Variants in CENPP observed in about 807,000 individuals in gnomAD.
CENPP encodes centromere protein P.
In CENPP, 24 loss-of-function variants were observed where a neutral mutation model predicts 35.6. The observed-to-expected ratio is 0.67, with a 90% CI of 0.49 to 0.95. The LOEUF (loss-of-function observed/expected upper bound fraction) is 0.95, where lower values mean the gene tolerates loss of function less well. CENPP is among the 40% of genes least tolerant of loss of function. CENPP has a pLI of 0.00. For missense variants in CENPP, 332 were observed against 345.3 expected (o/e 0.96, Z 0.31); for synonymous variants, 120 against 125.5 (o/e 0.96, Z 0.29).
chr9:92,523,308 G>T (rs1245262147), intron 5 of CENPP, among the ~76,000 whole-genome samples: 1 of 152,052 alleles, frequency 6.6e-6, no homozygotes, highest in Non-Finnish European at 1.5e-5. Flanking sequence ...TCTATAAAGG[G>T]CCAGATAGTA....
intron 5 of CENPP, chr9:92,510,165 C>A: frequency 2.2e-6 from 2 of 920,898 alleles, no homozygotes; most frequent in Non-Finnish European, 3.1e-6. Context: ...GTCCAGGCCA[C>A]ACAGCAAACC....
At chr9:92,452,419 T>C (rs1844739366) in intron 5 of CENPP, among the ~76,000 whole-genome samples, 1 of 152,230 alleles carries the variant, frequency 6.6e-6, no homozygotes, top group South Asian at 2.1e-4. Context: ...TTGTGTATAT[T>C]GAACCAGCCT....
chr9:92,370,084 T>C (rs187330879), intron 4 of CENPP, among the ~76,000 whole-genome samples: 503 of 152,358 alleles, frequency 3.3e-3, no homozygotes, highest in Non-Finnish European at 6.1e-3. Context: ...TATGTTTTTT[T>C]CCCTATATCT....
At position 92,572,951 on chromosome 9, in the gene CENPP, A is replaced by T. The variant is rs528852614; in HGVS notation, c.565-38363A>T. On this transcript the variant is annotated intron_variant, in intron 5 of 7. Transcript: ENST00000375587. ...GGTTTTCAGCTCCATCAGGTCATTT[A>T]AGGTCTTCTCTATGCTGTTTATTCT... Among the ~76,000 whole-genome samples the T allele has an allele frequency of 3.5e-3, 525 of 152,132 alleles. 7 individuals carry two copies. The highest frequency in any genetic ancestry group is 0.012 in the African/African-American group (496 of 41,494).
intron 5 of CENPP, among the ~76,000 whole-genome samples, chr9:92,391,680 C>T (rs957786212): frequency 1.3e-5 from 2 of 152,022 alleles, no homozygotes; most frequent in African/African-American, 4.8e-5. Flanking sequence ...AAAAACATGT[C>T]GTTAAATAGA....
At chr9:92,344,933 C>G (rs1841241204) in intron 3 of CENPP, among the ~76,000 whole-genome samples, 1 of 148,854 alleles carries the variant, frequency 6.7e-6, no homozygotes, top group Admixed American at 6.7e-5. Flanking sequence ...CTTCAGGAGG[C>G]AGAGACGGGG....
intron 5 of CENPP, among the ~76,000 whole-genome samples, chr9:92,463,618 C>T (rs890542905): frequency 6.6e-6 from 1 of 152,218 alleles, no homozygotes; most frequent in African/African-American, 2.4e-5. Flanking sequence ...TCTCCTCCCT[C>T]TACCTTCCTC....
intron 5 of CENPP, among the ~76,000 whole-genome samples, chr9:92,428,228 A>T (rs1198671415): frequency 6.6e-6 from 1 of 152,114 alleles, no homozygotes; most frequent in African/African-American, 2.4e-5. Flanking sequence ...ATTTTCTGTA[A>T]ATGGTGCCCC....
intron 5 of CENPP, among the ~76,000 whole-genome samples, chr9:92,492,194 C>CA (rs1018241069): frequency 1.3e-5 from 2 of 152,114 alleles, no homozygotes; most frequent in Admixed American, 1.3e-4. Context: ...AATATGCTGC[C>CA]AAAAATTTGG....
At chr9:92,446,576 C>T (rs1343976891) in intron 5 of CENPP, among the ~76,000 whole-genome samples, 1 of 152,076 alleles carries the variant, frequency 6.6e-6, no homozygotes, top group African/African-American at 2.4e-5. Flanking sequence ...CAGATAAAAA[C>T]ACATTGTGTT....
intron 4 of CENPP, among the ~76,000 whole-genome samples, chr9:92,376,682 TG>T (rs1460505316): frequency 7.2e-5 from 11 of 152,172 alleles, no homozygotes; most frequent in South Asian, 4.1e-4. Context: ...ATTATGCAGA[TG>T]GGTTCTCTAC....
chr9:92,352,584 G>C (rs1328942587), intron 4 of CENPP, among the ~76,000 whole-genome samples: 1 of 136,948 alleles, frequency 7.3e-6, no homozygotes, highest in Non-Finnish European at 1.5e-5. Flanking sequence ...TGATCACAAG[G>C]TCCCGTAATA....
chr9:92,500,638 C>G, intron 5 of CENPP: 1 of 1,342,852 alleles, frequency 7.4e-7, no homozygotes, highest in Non-Finnish European at 1.0e-6. Context: ...TTTCCCTTAA[C>G]GTAAATCCCA....
At chr9:92,332,822 A>C (rs1840797101) in intron 2 of CENPP, among the ~76,000 whole-genome samples, 1 of 151,406 alleles carries the variant, frequency 6.6e-6, no homozygotes, top group Non-Finnish European at 1.5e-5. Flanking sequence ...AAAAAAAAAA[A>C]GGGCTGCCTG....
chr9:92,439,631 T>G (rs1278496540), intron 5 of CENPP, among the ~76,000 whole-genome samples: 2 of 152,182 alleles, frequency 1.3e-5, no homozygotes, highest in African/African-American at 4.8e-5. Flanking sequence ...GTGTGGCTCC[T>G]TTGTCTTTCT....
chr9:92,530,117 G>C (rs1036504624), intron 5 of CENPP, among the ~76,000 whole-genome samples: 2 of 152,132 alleles, frequency 1.3e-5, no homozygotes, highest in Middle Eastern at 3.2e-3. Context: ...TTTTATATAA[G>C]GAACTTGAGC....
At position 92,417,465 on chromosome 9, in the gene CENPP, C is replaced by G. The variant is rs1302420961; in HGVS notation, c.564+37606C>G. ...TGGTAATCATCATCTGGCTCTTGGT[C>G]ATAGTCTTCATCCCACTGATAAGTT... On this transcript the variant is annotated intron_variant, in intron 5 of 7. Transcript: ENST00000375587. The G allele has an allele frequency of 1.8e-5, 29 of 1,613,762 alleles. No homozygotes were observed. The highest frequency in any genetic ancestry group is 2.4e-5 in the Non-Finnish European group (28 of 1,179,918).
chr9:92,503,043 A>G (rs913388381), intron 5 of CENPP, among the ~76,000 whole-genome samples: 1 of 151,996 alleles, frequency 6.6e-6, no homozygotes, highest in Non-Finnish European at 1.5e-5. Flanking sequence ...CCTAAGCTCA[A>G]GTGATCTACC....
intron 5 of CENPP, among the ~76,000 whole-genome samples, chr9:92,382,867 C>G (rs1842288224): frequency 7.1e-6 from 1 of 140,694 alleles, no homozygotes; most frequent in South Asian, 2.4e-4. Flanking sequence ...TATGTCTGTA[C>G]TTACGCTAGT....
Sources: allele counts gnomAD v4.1 joint callset (sites outside exome capture counted in the v4.1 genomes callset), GRCh38; gene constraint gnomAD v4.1.1; transcripts MANE v1.5; gene names NCBI Gene and HGNC (gene_info 2026-07-23, HGNC 2026-07-21).